The following ERC1 variants were observed in gnomAD, a reference collection of about 807,000 sequenced individuals.
The protein encoded by ERC1 is ELKS/RAB6-interacting/CAST family member 1.
ERC1 carries 56 observed loss-of-function variants against 132.0 expected under a neutral mutation model. The ratio of observed to expected loss-of-function variants is 0.42; its 90% CI spans 0.34 to 0.53. The LOEUF (loss-of-function observed/expected upper bound fraction) is 0.53, where lower values mean the gene tolerates loss of function less well. Ranked by LOEUF, ERC1 falls within the 20% of genes least tolerant of loss-of-function variation. ERC1 has a pLI of 0.03. For synonymous variants in ERC1, 478 were observed against 476.1 expected, an observed-to-expected ratio of 1.00 and a Z score of -0.05; for missense variants, 1,202 against 1,349.9, an observed-to-expected ratio of 0.89 and a Z score of 1.72.
At chr12:1,093,977 A>ATATTTTTC (rs1943649454) in intron 3 of ERC1, among the ~76,000 whole-genome samples, 1 of 129,558 alleles carries the variant, frequency 7.7e-6, no homozygotes, top group African/African-American at 2.8e-5. Flanking sequence ...ATATATATAT[A>ATATTTTTC]TATATATAGA....
chr12:1,204,510 A>C (rs752096859), intron 12 of ERC1: 1 of 1,591,866 alleles, frequency 6.3e-7, no homozygotes, highest in Non-Finnish European at 8.5e-7. Context: ...GTCTCACCTC[A>C]AGGTCAGTAT....
intron 18 of ERC1, among the ~76,000 whole-genome samples, chr12:1,462,125 A>G (rs76791887): frequency 0.015 from 2,297 of 152,342 alleles, 59 homozygotes; most frequent in African/African-American, 0.052. Flanking sequence ...GTTTATGCAA[A>G]TGAAAGCCAC....
chr12:1,347,219 A>G (rs2084562562), intron 15 of ERC1, among the ~76,000 whole-genome samples: 1 of 152,212 alleles, frequency 6.6e-6, no homozygotes, highest in South Asian at 2.1e-4. Flanking sequence ...TGTAAAATGC[A>G]TCCTAATCAA....
chr12:1,179,759 G>A (rs1416003102), intron 8 of ERC1, among the ~76,000 whole-genome samples: 4 of 151,936 alleles, frequency 2.6e-5, no homozygotes, highest in Non-Finnish European at 5.9e-5. Flanking sequence ...TGCCCGCCTC[G>A]GCCTCCCAAA....
intron 13 of ERC1, among the ~76,000 whole-genome samples, chr12:1,240,849 C>T (rs771668583): frequency 4.6e-5 from 7 of 151,772 alleles, no homozygotes; most frequent in African/African-American, 9.7e-5. Context: ...TACACTCTTC[C>T]GTATTTTGCT....
chr12:1,192,922 G>A (rs946645179), intron 12 of ERC1, among the ~76,000 whole-genome samples: 8 of 152,106 alleles, frequency 5.3e-5, no homozygotes, highest in Non-Finnish European at 1.2e-4. Context: ...TTTAGTCTTT[G>A]TTTTACTCTT....
intron 1 of ERC1, among the ~76,000 whole-genome samples, chr12:1,013,824 T>C (rs1410128516): frequency 2.6e-5 from 4 of 152,162 alleles, no homozygotes; most frequent in Non-Finnish European, 5.9e-5. Flanking sequence ...CTTGAACTCC[T>C]GGGCTCAAGC....
At chr12:1,121,445 T>A (rs2154216321) in intron 7 of ERC1, among the ~76,000 whole-genome samples, 1 of 152,366 alleles carries the variant, frequency 6.6e-6, no homozygotes, top group East Asian at 1.9e-4. Flanking sequence ...CAATTCATGT[T>A]GGTAGAGAGG....
intron 2 of ERC1, among the ~76,000 whole-genome samples, chr12:1,034,187 CAT>C (rs1490146500): frequency 6.6e-6 from 1 of 152,006 alleles, no homozygotes; most frequent in Non-Finnish European, 1.5e-5. Flanking sequence ...CATAGTGTAT[CAT>C]ATTTGAATAT....
intron 7 of ERC1, among the ~76,000 whole-genome samples, chr12:1,136,596 C>A (rs140679157): frequency 6.6e-6 from 1 of 152,286 alleles, no homozygotes; most frequent in African/African-American, 2.4e-5. Context: ...TGACTTTCTC[C>A]TGCTTAAAAA....
intron 17 of ERC1, among the ~76,000 whole-genome samples, chr12:1,442,460 A>G (rs778030050): frequency 6.6e-6 from 1 of 152,202 alleles, no homozygotes; most frequent in Non-Finnish European, 1.5e-5. Flanking sequence ...AGCCTTCCAC[A>G]GCAGAACTTT....
At chr12:1,478,886 G>A (rs2094030253) in intron 18 of ERC1, among the ~76,000 whole-genome samples, 1 of 151,974 alleles carries the variant, frequency 6.6e-6, no homozygotes, top group South Asian at 2.1e-4. Flanking sequence ...TGCTTTTTGT[G>A]TTCTGTTTAA....
intron 2 of ERC1, 67 bp downstream of exon 2, chr12:1,028,639 C>A: frequency 7.7e-7 from 1 of 1,301,480 alleles, no homozygotes. Flanking sequence ...GCCTTTTTTT[C>A]CCCTTTCCTA....
At chr12:1,038,263 C>T (rs1287013247) in intron 2 of ERC1, among the ~76,000 whole-genome samples, 2 of 152,102 alleles carry the variant, frequency 1.3e-5, no homozygotes, top group African/African-American at 2.4e-5. Context: ...TTACCCCATC[C>T]TCCCAGGTCC....
At chr12:1,147,784 C>T (rs117086722) in intron 8 of ERC1, among the ~76,000 whole-genome samples, 2,285 of 152,232 alleles carry the variant, frequency 0.015, 25 homozygotes, top group Non-Finnish European at 0.024. Context: ...TTTCTGAAGG[C>T]ATCTGGATGC....
chr12:1,214,690 A>G (rs1958223446), intron 12 of ERC1, among the ~76,000 whole-genome samples: 1 of 151,782 alleles, frequency 6.6e-6, no homozygotes, highest in East Asian at 1.9e-4. Flanking sequence ...ACACACACAC[A>G]CACACACACA....
intron 16 of ERC1, among the ~76,000 whole-genome samples, chr12:1,384,004 C>T (rs544024536): frequency 3.9e-5 from 6 of 152,122 alleles, no homozygotes; most frequent in East Asian, 3.8e-4. Context: ...GATTCAGAGC[C>T]GATCATATCA....
At chr12:1,445,139 TTG>T (rs1245320584) in intron 18 of ERC1, 2 of 164,730 alleles carry the variant, frequency 1.2e-5, no homozygotes, top group Admixed American at 5.9e-5. Context: ...CTTTCCATTT[TTG>T]TGTGTGTGTG....
chr12:1,415,925 C>G (rs1324012120), intron 17 of ERC1, among the ~76,000 whole-genome samples: 2 of 152,158 alleles, frequency 1.3e-5, no homozygotes, highest in African/African-American at 4.8e-5. Flanking sequence ...AGGTCCAGCA[C>G]TTTCATGTAT....
Sources: allele counts gnomAD v4.1 joint callset (sites outside exome capture counted in the v4.1 genomes callset), GRCh38; gene constraint gnomAD v4.1.1; transcripts MANE v1.5; gene names NCBI Gene and HGNC (gene_info 2026-07-23, HGNC 2026-07-21).